Variants in SLC39A8 observed in about 807,000 individuals in gnomAD.
The protein encoded by SLC39A8 is solute carrier family 39 member 8.
Under a neutral mutation model 40.4 loss-of-function variants are expected in SLC39A8, and 15 were observed. The ratio of observed to expected loss-of-function variants is 0.37; its 90% CI spans 0.25 to 0.57. The LOEUF is 0.57. Ranked by LOEUF, SLC39A8 falls within the 20% of genes least tolerant of loss-of-function variation. SLC39A8 has a pLI of 0.75. For synonymous variants in SLC39A8, 223 were observed against 221.6 expected, an observed-to-expected ratio of 1.01 and a Z score of -0.06; for missense variants, 472 against 558.8, an observed-to-expected ratio of 0.84 and a Z score of 1.57.
At chr4:102,345,025 G>T in intron 1 of SLC39A8, 110 bp from the exon 2 acceptor site, 1 of 576,728 alleles carries the variant, frequency 1.7e-6, no homozygotes, top group Non-Finnish European at 2.3e-6. Flanking sequence ...GCCGGGCATG[G>T]GGCCAGACGC....
chr4:102,273,078 G>C (rs1302251632), intron 6 of SLC39A8, among the ~76,000 whole-genome samples: 1 of 152,102 alleles, frequency 6.6e-6, no homozygotes, highest in Non-Finnish European at 1.5e-5. Context: ...GTGGTGCCTG[G>C]AACACCAGCA....
intron 3 of SLC39A8, among the ~76,000 whole-genome samples, chr4:102,310,433 G>A (rs1328887249): frequency 6.6e-6 from 1 of 152,084 alleles, no homozygotes; most frequent in East Asian, 1.9e-4. Flanking sequence ...TCAGTGCCTA[G>A]AAAATTGTCC....
intron 5 of SLC39A8, among the ~76,000 whole-genome samples, chr4:102,304,784 C>A (rs996445446): frequency 1.3e-5 from 2 of 150,820 alleles, no homozygotes; most frequent in Non-Finnish European, 3.0e-5. Context: ...TGAAAAAAAA[C>A]AAAAATAACC....
At chr4:102,319,375 T>C (rs1369598879) in intron 2 of SLC39A8, among the ~76,000 whole-genome samples, 2 of 152,118 alleles carry the variant, frequency 1.3e-5, no homozygotes, top group African/African-American at 4.8e-5. Flanking sequence ...TGACAAAGAT[T>C]CTCTCCTTGA....
intron 2 of SLC39A8, among the ~76,000 whole-genome samples, chr4:102,322,144 T>C (rs987504756): frequency 6.6e-6 from 1 of 152,194 alleles, no homozygotes; most frequent in Non-Finnish European, 1.5e-5. Context: ...GTCTGGATCC[T>C]ATAATCACCT....
intron 5 of SLC39A8, 150 bp from the exon 6 acceptor site, chr4:102,304,631 C>A (rs1454041828): frequency 7.9e-6 from 5 of 636,802 alleles, no homozygotes; most frequent in Non-Finnish European, 1.3e-5. Context: ...TATAAAATTT[C>A]TCTTTTTTAC....
Position 102,304,490 on chromosome 4 carries a change from G to A in SLC39A8, c.676-9C>T, listed in dbSNP as rs750949978. On this transcript the variant is annotated splice_polypyrimidine_tract_variant and intron_variant, in intron 5 of 8. Transcript: ENST00000356736. ...AAGTGGGTATGACCATTCTATATGG[G>A]AACAAAAACCAAAGAGATTATAAGA... is the stretch of plus-strand genomic sequence containing the variant. The A allele has an allele frequency of 6.3e-7, 1 of 1,599,502 alleles. No homozygotes were observed. Among genetic ancestry groups the A allele is most frequent in the South Asian group, 1.1e-5 (1 of 89,006 alleles).
At chr4:102,320,477 T>C (rs1167690414) in intron 2 of SLC39A8, among the ~76,000 whole-genome samples, 1 of 89,156 alleles carries the variant, frequency 1.1e-5, no homozygotes, top group African/African-American at 4.3e-5. Context: ...TGAGAATATA[T>C]ATATGAGAGT....
chr4:102,330,565 G>A (rs1455144371), intron 2 of SLC39A8, among the ~76,000 whole-genome samples: 2 of 152,124 alleles, frequency 1.3e-5, no homozygotes, highest in African/African-American at 4.8e-5. Context: ...AGGACTGGAT[G>A]GATTCACAGC....
rs369251288 is a variant in SLC39A8, at chr4:102,320,300, A to G, written c.220-4470T>C. ...TATATATGAGTATATATATGAGAAT[A>G]TATATATGAGTATATATATATGAGA... On this transcript the variant is annotated intron_variant, in intron 2 of 8. Coordinates refer to ENST00000356736, the MANE Select transcript of SLC39A8 (RefSeq NM_001135146.2). Among the ~76,000 whole-genome samples the G allele has an allele frequency of 1.8e-3, 204 of 111,004 alleles. 3 individuals carry two copies. Among genetic ancestry groups the G allele is most frequent in the Admixed American group, 2.9e-3 (30 of 10,458 alleles). The allele number at this position is 111,004 out of a possible 152,430, so 72.8% of individuals were successfully genotyped here. A position where few individuals can be genotyped will look rare whatever the true frequency, so the allele number is the denominator to read the frequency against.
intron 6 of SLC39A8, among the ~76,000 whole-genome samples, chr4:102,270,260 A>G (rs972392208): frequency 6.6e-6 from 1 of 152,208 alleles, no homozygotes; most frequent in African/African-American, 2.4e-5. Context: ...TTACAGAAGA[A>G]ATTAAATTAA....
At chr4:102,325,551 T>G (rs1254555158) in intron 2 of SLC39A8, among the ~76,000 whole-genome samples, 1 of 152,222 alleles carries the variant, frequency 6.6e-6, no homozygotes, top group Non-Finnish European at 1.5e-5. Flanking sequence ...TATGATGCAC[T>G]GCTAGGGATA....
intron 6 of SLC39A8, among the ~76,000 whole-genome samples, chr4:102,268,938 T>C (rs368247821): frequency 1.4e-4 from 21 of 152,226 alleles, no homozygotes; most frequent in South Asian, 4.1e-4. Context: ...AAATTCATTT[T>C]TAAGTACAAA....
chr4:102,273,039 G>A (rs1046837785), intron 6 of SLC39A8, among the ~76,000 whole-genome samples: 1 of 152,118 alleles, frequency 6.6e-6, no homozygotes, highest in African/African-American at 2.4e-5. Context: ...GACACCAAGC[G>A]AGCTACAGGA....
chr4:102,268,162 G>T, intron 6 of SLC39A8, 83 bp from the exon 7 acceptor site: 2 of 1,403,978 alleles, frequency 1.4e-6, no homozygotes, highest in Non-Finnish European at 2.0e-6. Flanking sequence ...GGTTGTGCTT[G>T]AGAAAAACAA....
intron 2 of SLC39A8, among the ~76,000 whole-genome samples, chr4:102,323,141 G>T (rs981973712): frequency 6.6e-6 from 1 of 152,144 alleles, no homozygotes; most frequent in East Asian, 1.9e-4. Flanking sequence ...CAAGTAAGAG[G>T]TTTAATAAGA....
intron 6 of SLC39A8, among the ~76,000 whole-genome samples, chr4:102,283,052 A>G (rs1052553774): frequency 6.6e-6 from 1 of 152,226 alleles, no homozygotes; most frequent in African/African-American, 2.4e-5. Flanking sequence ...TTTATTGGCA[A>G]CCATCTTGCA....
chr4:102,324,314 G>T (rs972146626), intron 2 of SLC39A8: 1 of 264,890 alleles, frequency 3.8e-6, no homozygotes, highest in South Asian at 3.1e-5. Context: ...AGAATCGCTT[G>T]AACCCAGAAG....
Position 102,344,609 on chromosome 4 carries a change from G to C in SLC39A8, c.54C>G (p.Leu18=), listed in dbSNP as rs1357179263. The C allele has an allele frequency of 2.6e-6, 4 of 1,540,440 alleles. No individual in the cohort carries two copies. Among genetic ancestry groups the C allele is most frequent in the Admixed American group, 2.0e-5 (1 of 50,164 alleles). Residue 18 remains leucine (L), a synonymous_variant, in exon 2 of 9, where the codon CTC becomes CTG. Coordinates refer to ENST00000356736, the MANE Select transcript of SLC39A8 (RefSeq NM_001135146.2). The part of the protein sequence containing the change: ...AGLLLLAAAG[L]GGVAEGPGLA... ...GCCCTGGCCCCTCCGCCACTCCTCCGAGGCCGGCGGCCGCCAGCAACAGGA... is the reference window on the plus strand; with the variant it reads ...GCCCTGGCCCCTCCGCCACTCCTCCCAGGCCGGCGGCCGCCAGCAACAGGA...
Sources: allele counts gnomAD v4.1 joint callset (sites outside exome capture counted in the v4.1 genomes callset), GRCh38; gene constraint gnomAD v4.1.1; transcripts MANE v1.5; gene names NCBI Gene and HGNC (gene_info 2026-07-23, HGNC 2026-07-21).